BAZ1A: variants seen among roughly 807,000 people sequenced by gnomAD.
The protein encoded by BAZ1A is bromodomain adjacent to zinc finger domain 1A.
BAZ1A carries 50 observed loss-of-function variants against 185.2 expected under a neutral mutation model. The observed-to-expected ratio is 0.27, with a 90% CI of 0.22 to 0.34. BAZ1A has a LOEUF of 0.34. Among genes scored for constraint, BAZ1A ranks in the 10% least tolerant of loss-of-function variants. The probability of loss-of-function intolerance (pLI) is 1.00; values close to 1 mark genes in which losing one functional copy is unlikely to be tolerated. For synonymous variants in BAZ1A, 571 were observed against 615.6 expected (o/e 0.93, Z 1.07); for missense variants, 1,356 against 1,839.9 (o/e 0.74, Z 4.81).
intron 3 of BAZ1A, among the ~76,000 whole-genome samples, chr14:34,847,305 C>T (rs1177756400): frequency 3.3e-5 from 5 of 151,172 alleles, no homozygotes; most frequent in African/African-American, 1.2e-4. Flanking sequence ...TGAGATGTTG[C>T]TTAAGACTTT....
At chr14:34,772,218 T>G (rs1566551812) in intron 20 of BAZ1A, among the ~76,000 whole-genome samples, 1 of 152,158 alleles carries the variant, frequency 6.6e-6, no homozygotes, top group Non-Finnish European at 1.5e-5. Flanking sequence ...CCTCCCAAAG[T>G]GCTGGGATTA....
chr14:34,826,812 T>C (rs1388715433), intron 3 of BAZ1A, among the ~76,000 whole-genome samples: 1 of 152,184 alleles, frequency 6.6e-6, no homozygotes, highest in Non-Finnish European at 1.5e-5. Context: ...GCTAAGTGTG[T>C]CTTATTAGGG....
intron 17 of BAZ1A, among the ~76,000 whole-genome samples, chr14:34,777,209 G>T (rs1879689770): frequency 6.6e-6 from 1 of 152,154 alleles, no homozygotes; most frequent in South Asian, 2.1e-4. Context: ...CCACTCTTGT[G>T]GCCCAAAAGC....
At chr14:34,760,390 C>T (rs1429601232) in intron 24 of BAZ1A, among the ~76,000 whole-genome samples, 2 of 151,896 alleles carry the variant, frequency 1.3e-5, no homozygotes, top group African/African-American at 4.8e-5. Flanking sequence ...ACTGCATAAA[C>T]AGATTACGTG....
intron 3 of BAZ1A, among the ~76,000 whole-genome samples, chr14:34,839,359 G>A (rs1020370020): frequency 2.6e-5 from 4 of 151,386 alleles, no homozygotes; most frequent in African/African-American, 9.7e-5. Context: ...CTGCAACATG[G>A]TGAAACTCTA....
rs1362603616 is a variant in BAZ1A, at chr14:34,783,903, G to A, written c.1856C>T (p.Ala619Val). ...TPGEKMKILH[A>V]LCGKLLTLVS... ...TAGGGTCAGTAGCTTTCCACAGAGA[G>A]CATGGAGTATCTTCATTTTTTCTCC... Residue 619 changes from alanine to valine, a missense_variant, in exon 15 of 27, where the codon GCT (alanine) becomes GTT (valine). Physicochemically the swap from Ala to Val is moderately conservative, Grantham distance 64. Transcript: ENST00000360310. The A allele has an allele frequency of 3.8e-6, 6 of 1,595,602 alleles. No homozygotes were observed. The Admixed American group carries it at 5.5e-5, about 15-fold the overall frequency.
In BAZ1A at chr14:34,762,217, G is replaced by C; in HGVS notation, c.3783C>G (p.Pro1261=). The C allele has an allele frequency of 6.2e-7, 1 of 1,613,544 alleles. No homozygotes were observed. Among genetic ancestry groups the C allele is most frequent in the African/African-American group, 1.3e-5 (1 of 74,936 alleles). ...ATCTAACTTGTGGTCTTCCTCGTTT[G>C]GGTAGGCTATAAATATTGTTAGAAA... ...DSQEEEEVSL[P]KRGRPQVRLP... is the part of the protein sequence containing the mutation. The change falls in exon 24 of 27, where the codon CCC becomes CCG. Residue 1261 remains proline (P), a synonymous_variant. Transcript: ENST00000360310.
intron 4 of BAZ1A, among the ~76,000 whole-genome samples, chr14:34,820,759 AT>A (rs34236726): frequency 0.64 from 95,868 of 150,148 alleles, 30,905 homozygotes; most frequent in Middle Eastern, 0.79. Flanking sequence ...CTATGTCTAG[AT>A]TTTTTTTTTT....
chr14:34,803,642 G>GAAT (rs60730269), intron 6 of BAZ1A, among the ~76,000 whole-genome samples: 151,456 of 152,256 alleles, frequency 0.99, 75,334 homozygotes, highest in East Asian at 1. Context: ...CTACATAAAT[G>GAAT]AATCAATCTA....
chr14:34,754,778 C>A, intron 26 of BAZ1A, 49 bp downstream of exon 26: 2 of 1,344,002 alleles, frequency 1.5e-6, no homozygotes, highest in Non-Finnish European at 1.0e-6. Flanking sequence ...GATGCTATAA[C>A]AAAATGCCTT....
At chr14:34,819,844 C>A (rs2042060182) in intron 4 of BAZ1A, among the ~76,000 whole-genome samples, 1 of 152,164 alleles carries the variant, frequency 6.6e-6, no homozygotes, top group Non-Finnish European at 1.5e-5. Flanking sequence ...TAAGAAACTG[C>A]CAAACTGTCC....
intron 16 of BAZ1A, among the ~76,000 whole-genome samples, 174 bp from the exon 17 acceptor site, chr14:34,780,484 T>C (rs1387192241): frequency 6.6e-6 from 1 of 152,150 alleles, no homozygotes; most frequent in African/African-American, 2.4e-5. Flanking sequence ...ATTTAAAAAA[T>C]ATGTAATAAG....
intron 19 of BAZ1A, among the ~76,000 whole-genome samples, chr14:34,773,945 T>TA (rs1879412162): frequency 6.6e-6 from 1 of 152,178 alleles, no homozygotes; most frequent in Non-Finnish European, 1.5e-5. Context: ...AAATAAATCA[T>TA]AAACAGTTCT....
intron 3 of BAZ1A, among the ~76,000 whole-genome samples, chr14:34,832,905 A>G (rs1006849051): frequency 1.3e-5 from 2 of 152,242 alleles, no homozygotes; most frequent in African/African-American, 4.8e-5. Flanking sequence ...AAAAGGTGGA[A>G]TCAACCTAAG....
At chr14:34,809,017 CT>C (rs2041891247) in intron 5 of BAZ1A, among the ~76,000 whole-genome samples, 1 of 152,022 alleles carries the variant, frequency 6.6e-6, no homozygotes, top group South Asian at 2.1e-4. Context: ...CATGTGCAGA[CT>C]TTTTTTGTTG....
rs1555346584 is a variant in BAZ1A, at chr14:34,872,941, A to AAAAAAC, written c.113+1550_113+1551insGTTTTT. 3.6e-4 allele frequency among the ~76,000 whole-genome samples: 44 copies of AAAAAAC among 122,676 alleles called. 4 individuals are homozygous for AAAAAAC. Among genetic ancestry groups the AAAAAAC allele is most frequent in the African/African-American group, 1.4e-3 (43 of 30,814 alleles). 80.5% of individuals were successfully genotyped at this position (122,676 alleles called of 152,430 possible). On this transcript the variant is annotated intron_variant, in intron 2 of 26. Transcript: ENST00000360310. ...AAAAAAAAAAAAAAAAAAAAAAAAA[A>AAAAAAC]CTTGTCCAATTACCTAATCCAAGTT... is the stretch of plus-strand genomic sequence containing the variant.
intron 3 of BAZ1A, among the ~76,000 whole-genome samples, chr14:34,861,370 T>C (rs2042766787): frequency 6.6e-6 from 1 of 152,242 alleles, no homozygotes; most frequent in Non-Finnish European, 1.5e-5. Flanking sequence ...CCACTTTATT[T>C]CTGAAGAGCT....
At position 34,874,665 on chromosome 14, in the gene BAZ1A, A is replaced by G; in HGVS notation, c.-58-3T>C. 3 of 1,396,572 alleles carry G rather than the reference A, an allele frequency of 2.1e-6. No homozygotes were observed. Among genetic ancestry groups the G allele is most frequent in the Non-Finnish European group, 3.0e-6 (3 of 1,013,154 alleles). The allele number at this position is 1,396,572 out of a possible 1,614,324, so 86.5% of individuals were successfully genotyped here. A position where few individuals can be genotyped will look rare whatever the true frequency, so the allele number is the denominator to read the frequency against. ...CCGCCCGCGCCGGCCCCGCTTCCCT[A>G]TCAAAATTGGAGGGAAAGGAAAGCC... On this transcript the variant is annotated splice_region_variant and splice_polypyrimidine_tract_variant and intron_variant, in intron 1 of 26. Transcript: ENST00000360310. The surrounding 1 kb of genome is among the most constrained non-coding windows in gnomAD (Gnocchi z 4.7).
At position 34,849,428 on chromosome 14, in the gene BAZ1A, T is replaced by C. The variant is rs950323731; in HGVS notation, c.392+12616A>G. Among the ~76,000 whole-genome samples the C allele has an allele frequency of 5.9e-5, 9 of 152,224 alleles. No individual in the cohort carries two copies. The East Asian group carries it at 1.7e-3, about 29-fold the overall frequency. ...GAAAAAACGGTTGAGAAATATGCAC[T>C]AAATTTCTGATAGTGGTTATCTCTC... is the stretch of plus-strand genomic sequence containing the variant. On this transcript the variant is annotated intron_variant, in intron 3 of 26. Coordinates refer to ENST00000360310, the MANE Select transcript of BAZ1A (RefSeq NM_013448.3).
Sources: gnomAD v4.1 joint callset for allele counts (sites outside exome capture counted in the v4.1 genomes callset) on GRCh38, gnomAD v4.1.1 for gene constraint, Gnocchi (gnomAD v3.1) non-coding constraint, MANE v1.5 for transcripts, NCBI Gene and HGNC (gene_info 2026-07-23, HGNC 2026-07-21) for gene names.